The following TMTC3 variants were observed in gnomAD, a reference collection of about 807,000 sequenced individuals.
The protein encoded by TMTC3 is transmembrane O-mannosyltransferase targeting cadherins 3, also known as protein O-mannosyl-transferase TMTC3.
In TMTC3, 52 loss-of-function variants were observed where a neutral mutation model predicts 92.2. The observed-to-expected ratio is 0.56, with a 90% CI of 0.45 to 0.71. The LOEUF (loss-of-function observed/expected upper bound fraction) is 0.71, where lower values mean the gene tolerates loss of function less well. TMTC3 is among the 30% of genes least tolerant of loss of function. The pLI, the probability that TMTC3 is intolerant of heterozygous loss-of-function variation, is 0.00. For missense variants in TMTC3, 896 were observed against 1,057.1 expected (o/e 0.85, Z 2.11); for synonymous variants, 339 against 363.3 (o/e 0.93, Z 0.76).
chr12:88,199,344 TA>T lies in TMTC3; in HGVS notation c.*3699del, dbSNP rs2041555101. 1 of 151,758 alleles carries T rather than the reference TA, an allele frequency of 6.6e-6. No individual in the cohort carries two copies. Among genetic ancestry groups the T allele is most frequent in the African/African-American group, 2.4e-5 (1 of 41,362 alleles). 9.4% of individuals were successfully genotyped at this position (151,758 alleles called of 1,614,324 possible). ...CAAGTTGGGAAAAACATTTTCCTCTTAAAATTGTGAAGAGGATTTATATATT... is the reference window on the plus strand; with the variant it reads ...CAAGTTGGGAAAAACATTTTCCTCTTAAATTGTGAAGAGGATTTATATATT... On this transcript the variant is annotated 3_prime_UTR_variant, in exon 14 of 14. Transcript: ENST00000266712.
Position 88,153,276 on chromosome 12 carries a change from G to T in TMTC3, c.190-15G>T, listed in dbSNP as rs376826681. 2 of 1,591,470 alleles carry T rather than the reference G, an allele frequency of 1.3e-6. No individual in the cohort carries two copies. The highest frequency in any genetic ancestry group is 1.7e-6 in the Non-Finnish European group (2 of 1,166,632). On this transcript the variant is annotated splice_polypyrimidine_tract_variant and intron_variant, in intron 2 of 13. Coordinates refer to ENST00000266712, the MANE Select transcript of TMTC3 (RefSeq NM_181783.4). ...CAAGGTACTTTAATAATCACTGATC[G>T]TTTTTTCCTTGTAGGAGAGAAGCCA...
intron 10 of TMTC3, among the ~76,000 whole-genome samples, chr12:88,180,737 T>C (rs567991588): frequency 6.6e-4 from 100 of 151,570 alleles, no homozygotes; most frequent in African/African-American, 2.3e-3. Flanking sequence ...TGATGCATCA[T>C]GCTGGAATCC....
At chr12:88,153,531 CT>C (rs761666446) in intron 3 of TMTC3, 22 bp downstream of exon 3, 6 of 1,421,078 alleles carry the variant, frequency 4.2e-6, no homozygotes, top group Non-Finnish European at 4.9e-6. Context: ...TATGAACTGA[CT>C]TTTTTTCTTT....
chr12:88,151,975 T>A (rs1456966345), intron 2 of TMTC3, among the ~76,000 whole-genome samples: 1 of 152,168 alleles, frequency 6.6e-6, no homozygotes, highest in Non-Finnish European at 1.5e-5. Context: ...ATGAGAAAGA[T>A]TTATTCTTTG....
At chr12:88,182,753 T>C (rs950842073) in intron 10 of TMTC3, among the ~76,000 whole-genome samples, 1 of 152,178 alleles carries the variant, frequency 6.6e-6, no homozygotes, top group African/African-American at 2.4e-5. Flanking sequence ...AAAGCCTGAT[T>C]TACATGATAC....
chr12:88,156,356 C>G (rs2041009740), intron 4 of TMTC3, among the ~76,000 whole-genome samples: 1 of 152,118 alleles, frequency 6.6e-6, no homozygotes, highest in South Asian at 2.1e-4. Flanking sequence ...AATTATAAAC[C>G]AGGATATAAA....
chr12:88,187,167 TAAA>T (rs71448730), intron 10 of TMTC3, among the ~76,000 whole-genome samples: 4 of 126,356 alleles, frequency 3.2e-5, no homozygotes, highest in Non-Finnish European at 4.8e-5. Context: ...ATTTATCTGG[TAAA>T]AAAAAAAAAA....
intron 11 of TMTC3, among the ~76,000 whole-genome samples, 190 bp from the exon 12 acceptor site, chr12:88,190,263 A>G (rs1359628681): frequency 6.6e-6 from 1 of 152,188 alleles, no homozygotes; most frequent in Non-Finnish European, 1.5e-5. Flanking sequence ...TCTGAAGTCA[A>G]ACAAATCAGA....
intron 7 of TMTC3, among the ~76,000 whole-genome samples, chr12:88,170,341 AT>A (rs1224220264): frequency 6.6e-6 from 1 of 151,402 alleles, no homozygotes; most frequent in Non-Finnish European, 1.5e-5. Flanking sequence ...AATAGGTATA[AT>A]TTTTTTTTCA....
chr12:88,199,105 G>A lies in TMTC3; in HGVS notation c.*3456G>A, dbSNP rs987251109. The A allele has an allele frequency of 1.2e-4, 18 of 152,046 alleles. No homozygotes were observed. The highest frequency in any genetic ancestry group is 1.9e-4 in the African/African-American group (8 of 41,530). 9.4% of individuals were successfully genotyped at this position (152,046 alleles called of 1,614,324 possible). ...ATTTCTTTTATGAAGAAGAGCTGAC[G>A]TAATTTATTAGCAGTGATCTGAGAA... On this transcript the variant is annotated 3_prime_UTR_variant, in exon 14 of 14. Transcript: ENST00000266712.
At position 88,190,491 on chromosome 12, in the gene TMTC3, T is replaced by C; in HGVS notation, c.1575T>C (p.Pro525=). ...AAAAATATGCAGCCAGAATTGCCCC[T>C]AACCACCTAAATGTTTATATCAATC... ...PGKKYAARIA[P]NHLNVYINLA... is the part of the protein sequence containing the mutation. Residue 525 remains proline (P), a synonymous_variant, in exon 12 of 14, where the codon CCT becomes CCC. Coordinates refer to ENST00000266712, the MANE Select transcript of TMTC3 (RefSeq NM_181783.4). The C allele has an allele frequency of 2.5e-6, 4 of 1,613,824 alleles. No homozygotes were observed. Among genetic ancestry groups the C allele is most frequent in the Non-Finnish European group, 3.4e-6 (4 of 1,179,826 alleles).
chr12:88,160,868 C>A lies in TMTC3; in HGVS notation c.797+17C>A. On this transcript the variant is annotated intron_variant, in intron 6 of 13. Coordinates refer to ENST00000266712, the MANE Select transcript of TMTC3 (RefSeq NM_181783.4). ...ATTCACCAGGTATGAAATTCTGGTT[C>A]TTTGTTTTCTCCATTCTTTTTTTTA... 6.4e-7 allele frequency: 1 copy of A among 1,554,488 alleles called. No homozygotes were observed. Among genetic ancestry groups the A allele is most frequent in the East Asian group, 2.3e-5 (1 of 42,852 alleles).
intron 2 of TMTC3, among the ~76,000 whole-genome samples, chr12:88,150,713 G>C (rs1030889770): frequency 4.6e-5 from 7 of 152,046 alleles, no homozygotes; most frequent in African/African-American, 1.7e-4. Context: ...AGGTGTCATA[G>C]GTTTCATGAT....
intron 10 of TMTC3, among the ~76,000 whole-genome samples, chr12:88,178,512 A>G (rs2041283340): frequency 6.6e-6 from 1 of 151,892 alleles, no homozygotes; most frequent in Admixed American, 6.6e-5. Flanking sequence ...CTATATTTGT[A>G]ATTTTCTATT....
chr12:88,160,728 A>G lies in TMTC3; in HGVS notation c.674A>G (p.Lys225Arg). 3.1e-6 allele frequency: 5 copies of G among 1,613,652 alleles called. No homozygotes were observed. Among genetic ancestry groups the G allele is most frequent in the Non-Finnish European group, 4.2e-6 (5 of 1,179,766 alleles). ...CTTAGQFLRG[K>R]GSIPFSMLQT... Reference sequence around the variant, plus strand: ...ACTGCTGGACAGTTTCTCCGTGGAAAGGGTAGCATTCCATTTTCTATGCTG... The same window carrying G: ...ACTGCTGGACAGTTTCTCCGTGGAAGGGGTAGCATTCCATTTTCTATGCTG... The change falls in exon 6 of 14, where the codon AAG becomes AGG. Residue 225 changes from lysine (K) to arginine (R), a missense_variant. Transcript: ENST00000266712.
intron 5 of TMTC3, 48 bp downstream of exon 5, chr12:88,160,277 C>T: frequency 9.3e-7 from 1 of 1,077,910 alleles, no homozygotes; most frequent in Non-Finnish European, 1.3e-6. Context: ...TATATTTTAT[C>T]CTAGTTGAAT....
intron 1 of TMTC3, among the ~76,000 whole-genome samples, chr12:88,145,071 C>A (rs995327079): frequency 6.6e-6 from 1 of 152,120 alleles, no homozygotes; most frequent in Non-Finnish European, 1.5e-5. Flanking sequence ...TTATTGCTTA[C>A]CTTTGTTCTC....
intron 11 of TMTC3, among the ~76,000 whole-genome samples, chr12:88,189,783 A>G (rs1006654408): frequency 2.6e-5 from 4 of 152,148 alleles, no homozygotes; most frequent in African/African-American, 7.2e-5. Flanking sequence ...TTTGGAAATT[A>G]AACAGTCTGA....
At chr12:88,158,832 A>C (rs1254497266) in intron 4 of TMTC3, among the ~76,000 whole-genome samples, 1 of 152,100 alleles carries the variant, frequency 6.6e-6, no homozygotes, top group Non-Finnish European at 1.5e-5. Flanking sequence ...TGGGCGGATC[A>C]GCTGAGGTCG....
Sources: allele counts gnomAD v4.1 joint callset (sites outside exome capture counted in the v4.1 genomes callset), GRCh38; gene constraint gnomAD v4.1.1; transcripts MANE v1.5; gene names NCBI Gene and HGNC (gene_info 2026-07-23, HGNC 2026-07-21).